The following KCND2 variants were observed in gnomAD, a reference collection of about 807,000 sequenced individuals.
The protein encoded by KCND2 is A-type voltage-gated potassium channel KCND2.
Under a neutral mutation model 54.4 loss-of-function variants are expected in KCND2, and 16 were observed. The observed-to-expected ratio is 0.29, with a 90% CI of 0.20 to 0.45. The LOEUF is 0.45. Among genes scored for constraint, KCND2 ranks in the 20% least tolerant of loss-of-function variants. KCND2 has a pLI of 1.00. For synonymous variants in KCND2, 317 were observed against 310.7 expected (o/e 1.02, Z -0.21); for missense variants, 486 against 824.2 (o/e 0.59, Z 5.02).
intron 1 of KCND2, among the ~76,000 whole-genome samples, chr7:120,292,713 C>A (rs1799452279): frequency 6.6e-6 from 1 of 151,812 alleles, no homozygotes; most frequent in Non-Finnish European, 1.5e-5. Context: ...TCTACATTAC[C>A]CATTTATTCA....
At chr7:120,633,543 G>A (rs1156392759) in intron 1 of KCND2, among the ~76,000 whole-genome samples, 1 of 152,190 alleles carries the variant, frequency 6.6e-6, no homozygotes, top group African/African-American at 2.4e-5. Context: ...CATAATGAAA[G>A]CCAAATTTAA....
chr7:120,621,037 G>A (rs1793091224), intron 1 of KCND2, among the ~76,000 whole-genome samples: 1 of 151,996 alleles, frequency 6.6e-6, no homozygotes, highest in African/African-American at 2.4e-5. Flanking sequence ...CACTTTGAGA[G>A]GCTGAGGCGA....
chr7:120,747,782 C>T lies in KCND2; in HGVS notation c.1817C>T (p.Thr606Ile), dbSNP rs1306192509. ...AIISIPTPPV[T>I]TPEGDDRPES... Reference sequence around the variant, plus strand: ...ATAAGCATCCCAACACCTCCAGTAACCACACCAGAAGGAGACGATAGGCCA... The same window carrying T: ...ATAAGCATCCCAACACCTCCAGTAATCACACCAGAAGGAGACGATAGGCCA... Residue 606 changes from threonine (T) to isoleucine (I), a missense_variant, in exon 6 of 6, where the codon ACC becomes ATC. Transcript: ENST00000331113. 1.3e-5 allele frequency: 21 copies of T among 1,612,286 alleles called. No homozygotes were observed. The highest frequency in any genetic ancestry group is 1.7e-5 in the Admixed American group (1 of 59,872).
chr7:120,721,679 C>G (rs1398198293), intron 1 of KCND2, among the ~76,000 whole-genome samples: 1 of 152,154 alleles, frequency 6.6e-6, no homozygotes, highest in Non-Finnish European at 1.5e-5. Flanking sequence ...AGCATCATCA[C>G]ATTAAATTAT....
intron 1 of KCND2, among the ~76,000 whole-genome samples, chr7:120,432,541 G>A (rs964484255): frequency 4.6e-5 from 7 of 152,040 alleles, no homozygotes; most frequent in Admixed American, 1.3e-4. Flanking sequence ...TTTTCTGAAC[G>A]TAACTTAAAA....
At chr7:120,487,544 A>G (rs1802712854) in intron 1 of KCND2, among the ~76,000 whole-genome samples, 1 of 152,134 alleles carries the variant, frequency 6.6e-6, no homozygotes, top group Admixed American at 6.5e-5. Context: ...CCCTCTTTAT[A>G]TCAGGATCAA....
intron 1 of KCND2, among the ~76,000 whole-genome samples, chr7:120,323,518 A>C: frequency 6.7e-6 from 1 of 148,924 alleles, no homozygotes; most frequent in Admixed American, 6.7e-5. Flanking sequence ...CTCATTGTTC[A>C]ATTCCCACCT....
chr7:120,708,700 A>G (rs995341481), intron 1 of KCND2, among the ~76,000 whole-genome samples: 5 of 151,998 alleles, frequency 3.3e-5, no homozygotes. Context: ...CTTTCCTACT[A>G]ATGTTTTATA....
At chr7:120,445,280 A>G (rs763585696) in intron 1 of KCND2, among the ~76,000 whole-genome samples, 6 of 152,196 alleles carry the variant, frequency 3.9e-5, no homozygotes, top group Non-Finnish European at 7.4e-5. Context: ...AAGAAAAGCC[A>G]TTGTTGAAAA....
At chr7:120,649,942 C>T (rs1188048786) in intron 1 of KCND2, among the ~76,000 whole-genome samples, 1 of 152,112 alleles carries the variant, frequency 6.6e-6, no homozygotes, top group Non-Finnish European at 1.5e-5. Context: ...TGAATATTGG[C>T]CCCCACTCTC....
intron 1 of KCND2, among the ~76,000 whole-genome samples, chr7:120,608,445 C>A (rs1006867582): frequency 6.6e-6 from 1 of 152,090 alleles, no homozygotes; most frequent in African/African-American, 2.4e-5. Context: ...GCCACATTTT[C>A]TATTTACACT....
chr7:120,592,330 T>TCA (rs1352503595), intron 1 of KCND2, among the ~76,000 whole-genome samples: 3 of 152,260 alleles, frequency 2.0e-5, no homozygotes, highest in Non-Finnish European at 4.4e-5. Context: ...CGGTGGCAGA[T>TCA]CACTTGAGGC....
chr7:120,404,608 A>C (rs950112311), intron 1 of KCND2, among the ~76,000 whole-genome samples: 6 of 152,162 alleles, frequency 3.9e-5, no homozygotes, highest in Non-Finnish European at 7.4e-5. Context: ...GTGGAAGGCA[A>C]ACTTCTATCA....
rs534968525 is a variant in KCND2, at chr7:120,288,418, A to G, written c.1115+12671A>G. Among the ~76,000 whole-genome samples the G allele has an allele frequency of 3.2e-3, 486 of 152,226 alleles. 3 individuals carry two copies. The highest frequency in any genetic ancestry group is 0.011 in the African/African-American group (470 of 41,554). On this transcript the variant is annotated intron_variant, in intron 1 of 5. Transcript: ENST00000331113. ...TTTTAATCACATGTAAGGGATTTCAAATGTGCAGGACCTAAAGATAGAAAA... is the reference window on the plus strand; with the variant it reads ...TTTTAATCACATGTAAGGGATTTCAGATGTGCAGGACCTAAAGATAGAAAA...
intron 1 of KCND2, among the ~76,000 whole-genome samples, chr7:120,652,325 T>A (rs1410213953): frequency 6.6e-6 from 1 of 152,098 alleles, no homozygotes; most frequent in South Asian, 2.1e-4. Flanking sequence ...CCACTTGCCT[T>A]GGTCTCCCAA....
At chr7:120,296,144 A>G (rs1799510422) in intron 1 of KCND2, among the ~76,000 whole-genome samples, 2 of 152,092 alleles carry the variant, frequency 1.3e-5, no homozygotes, top group Admixed American at 1.3e-4. Context: ...TGGGAAACTT[A>G]TATATAGTCA....
intron 1 of KCND2, among the ~76,000 whole-genome samples, chr7:120,300,813 G>A (rs1268490396): frequency 2.6e-5 from 4 of 151,964 alleles, no homozygotes; most frequent in East Asian, 3.8e-4. Flanking sequence ...TCTGTGGCCC[G>A]TATTACTTTT....
At chr7:120,714,280 G>C (rs930857334) in intron 1 of KCND2, among the ~76,000 whole-genome samples, 1 of 151,234 alleles carries the variant, frequency 6.6e-6, no homozygotes, top group African/African-American at 2.4e-5. Context: ...AAGTTGGTGA[G>C]ATAAACCTTT....
rs537770709 is a variant in KCND2, at chr7:120,481,363, A to G, written c.1115+205616A>G. On this transcript the variant is annotated intron_variant, in intron 1 of 5. Coordinates refer to ENST00000331113, the MANE Select transcript of KCND2 (RefSeq NM_012281.3). The stretch of plus-strand genomic sequence containing the variant: ...AGGAATGACTTAAAGGCAGATTTTT[A>G]TAATTAAAATAAAATTTAAGTGGAA... Among the ~76,000 whole-genome samples the G allele has an allele frequency of 1.4e-3, 209 of 152,344 alleles. 1 individual carries two copies. The highest frequency in any genetic ancestry group is 4.7e-3 in the African/African-American group (195 of 41,590).
Sources: gnomAD v4.1 joint callset for allele counts (sites outside exome capture counted in the v4.1 genomes callset) on GRCh38, gnomAD v4.1.1 for gene constraint, MANE v1.5 for transcripts, NCBI Gene and HGNC (gene_info 2026-07-23, HGNC 2026-07-21) for gene names.